The following CCDC57 variants were observed in gnomAD, a reference collection of about 807,000 sequenced individuals.
CCDC57 encodes coiled-coil domain containing 57.
Under a neutral mutation model 118.9 loss-of-function variants are expected in CCDC57, and 118 were observed. That is an observed-to-expected ratio of 0.99 (90% CI 0.86 to 1.16). The LOEUF is 1.16. Among genes scored for constraint, CCDC57 ranks in the 50% most tolerant of loss-of-function variants. CCDC57 has a pLI of 0.00. For missense variants in CCDC57, 1,300 were observed against 1,320.7 expected (o/e 0.98, Z 0.24); for synonymous variants, 527 against 532.9 (o/e 0.99, Z 0.15).
chr17:82,181,812 T>A (rs779269377), intron 9 of CCDC57, among the ~76,000 whole-genome samples: 2 of 152,180 alleles, frequency 1.3e-5, no homozygotes, highest in Non-Finnish European at 2.9e-5. Flanking sequence ...AGAAGGAACA[T>A]TGGAATCAAG....
chr17:82,110,767 G>A (rs142355481), intron 19 of CCDC57, among the ~76,000 whole-genome samples: 1,542 of 152,248 alleles, frequency 0.01, 24 homozygotes, highest in African/African-American at 0.036. Flanking sequence ...GCTCGCGCCT[G>A]TAATCCCAGT....
In CCDC57 at chr17:82,172,042, T is replaced by A. The variant is rs1383305904; in HGVS notation, c.1730-189A>T. 6.6e-6 allele frequency among the ~76,000 whole-genome samples: 1 copy of A among 152,040 alleles called. No homozygotes were observed. The highest frequency in any genetic ancestry group is 1.5e-5 in the Non-Finnish European group (1 of 68,014). On this transcript the variant is annotated intron_variant, in intron 12 of 19. Transcript: ENST00000665763. The surrounding 1 kb of genome is among the most constrained non-coding windows in gnomAD (Gnocchi z 5.2). ...GTGTGTCAGACTGAAAGACCTTCCCTCCCCTCACTGGCCAGAGTGTGCCAG... is the reference window on the plus strand; with the variant it reads ...GTGTGTCAGACTGAAAGACCTTCCCACCCCTCACTGGCCAGAGTGTGCCAG...
At chr17:82,148,244 AGATG>A (rs1249434429) in intron 16 of CCDC57, among the ~76,000 whole-genome samples, 6 of 115,586 alleles carry the variant, frequency 5.2e-5, no homozygotes, top group Middle Eastern at 6.9e-3. Flanking sequence ...GTAGATGGGT[AGATG>A]GATGGATGGA....
At chr17:82,206,939 G>C (rs2049729623) in intron 2 of CCDC57, among the ~76,000 whole-genome samples, 1 of 152,222 alleles carries the variant, frequency 6.6e-6, no homozygotes, top group South Asian at 2.1e-4. Context: ...GAGGAACTTA[G>C]TTTATAGTTT....
intron 19 of CCDC57, chr17:82,106,651 C>G (rs771495779): frequency 6.6e-6 from 1 of 152,388 alleles, no homozygotes; most frequent in African/African-American, 2.4e-5. Context: ...TCCGCTGTTT[C>G]GGAGGCATGG....
At chr17:82,145,376 G>A (rs563615795) in intron 16 of CCDC57, among the ~76,000 whole-genome samples, 2 of 151,000 alleles carry the variant, frequency 1.3e-5, no homozygotes, top group East Asian at 2.0e-4. Flanking sequence ...GTGAAACCCC[G>A]TTTCTACTAA....
intron 2 of CCDC57, among the ~76,000 whole-genome samples, chr17:82,204,342 G>A (rs1479458817): frequency 1.3e-5 from 2 of 151,990 alleles, no homozygotes; most frequent in Admixed American, 6.6e-5. Context: ...CGGCCCCACC[G>A]TCCACCCCGT....
chr17:82,176,155 C>A (rs117841706), intron 11 of CCDC57, among the ~76,000 whole-genome samples: 1 of 151,446 alleles, frequency 6.6e-6, no homozygotes, highest in Non-Finnish European at 1.5e-5. Context: ...GGCTGCCCTG[C>A]CGCACTACAG....
rs761466216 is a variant in CCDC57 at position 82,201,965 on chromosome 17, G to GA, written c.-8-14dup. On this transcript the variant is annotated splice_polypyrimidine_tract_variant and intron_variant, in intron 2 of 19. Transcript: ENST00000665763. ...AGCATGGTGGCCGCTGCAGTAAAGAGAAATCAGGTTCAGGGTGCACCGTGA... is the reference window on the plus strand; with the variant it reads ...AGCATGGTGGCCGCTGCAGTAAAGAGAAAATCAGGTTCAGGGTGCACCGTGA... The GA allele has an allele frequency of 1.9e-6, 3 of 1,570,416 alleles. No individual in the cohort carries two copies. The highest frequency in any genetic ancestry group is 2.6e-6 in the Non-Finnish European group (3 of 1,157,800).
intron 2 of CCDC57, among the ~76,000 whole-genome samples, chr17:82,204,548 C>T (rs1049367334): frequency 1.3e-5 from 2 of 152,146 alleles, no homozygotes; most frequent in Non-Finnish European, 2.9e-5. Flanking sequence ...CTTTGGGAGG[C>T]CGAGGCGGGC....
chr17:82,184,442 G>C (rs375404302), intron 8 of CCDC57, among the ~76,000 whole-genome samples: 3 of 152,204 alleles, frequency 2.0e-5, no homozygotes, highest in African/African-American at 7.2e-5. Context: ...CTTAACAGCA[G>C]GATGCCTCTG....
At position 82,127,925 on chromosome 17, in the gene CCDC57, C is replaced by T. The variant is rs369190828; in HGVS notation, c.2683-17G>A. On this transcript the variant is annotated splice_polypyrimidine_tract_variant and intron_variant, in intron 18 of 19. Transcript: ENST00000665763. The stretch of plus-strand genomic sequence containing the variant: ...GTGTTGTGTCTAGAAAAGACATCAT[C>T]GTCTTGAAAGCCACCCTCTCCAACC... 8.1e-5 allele frequency: 131 copies of T among 1,610,528 alleles called. No individual in the cohort carries two copies. The African/African-American group carries it at 1.5e-3, about 18-fold the overall frequency.
At chr17:82,202,143 CA>C (rs1471527931) in intron 2 of CCDC57, among the ~76,000 whole-genome samples, 191 bp from the exon 2 acceptor site, 8 of 151,756 alleles carry the variant, frequency 5.3e-5, no homozygotes, top group Non-Finnish European at 1.2e-4. Flanking sequence ...CCAGCCTGGC[CA>C]ACATGGCAAA....
chr17:82,113,647 C>A (rs758508852), intron 19 of CCDC57: 19 of 717,248 alleles, frequency 2.6e-5, no homozygotes, highest in Admixed American at 4.0e-5. Flanking sequence ...CTCCACTCCA[C>A]GCCAGGCTGG....
intron 5 of CCDC57, 162 bp from the exon 5 acceptor site, chr17:82,194,301 C>A (rs1182347431): frequency 4.5e-6 from 3 of 670,502 alleles, no homozygotes; most frequent in Non-Finnish European, 7.0e-6. Context: ...TCAAACGAGA[C>A]TCAATGACTT....
chr17:82,178,690 G>A (rs2045826731), intron 10 of CCDC57, 85 bp from the exon 10 acceptor site: 1 of 1,540,522 alleles, frequency 6.5e-7, no homozygotes. Context: ...ACACATAGGT[G>A]GGAGATGCTC....
intron 16 of CCDC57, among the ~76,000 whole-genome samples, chr17:82,144,299 C>T (rs1015553774): frequency 6.6e-6 from 1 of 151,962 alleles, no homozygotes. Flanking sequence ...CAGAGCGAGA[C>T]CCCATCTCTT....
intron 19 of CCDC57, among the ~76,000 whole-genome samples, chr17:82,102,130 C>G (rs1403972759): frequency 6.6e-6 from 1 of 152,160 alleles, no homozygotes; most frequent in East Asian, 1.9e-4. Flanking sequence ...ACATGTGGCT[C>G]TGAAAATGGT....
rs1014428165 is a variant in CCDC57 at position 82,102,096 on chromosome 17, C to T, written c.2900-230G>A. On this transcript the variant is annotated intron_variant, in intron 19 of 19. Transcript: ENST00000665763. ...TGGGTCCTGCTTGGCAGGGACTGGG[C>T]CTGCCCCTCCACTGGGCACCTGGAC... Among the ~76,000 whole-genome samples the T allele has an allele frequency of 5.9e-5, 9 of 152,338 alleles. 1 individual carries two copies. In the East Asian group the frequency reaches 1.7e-3, roughly 29 times the overall value.
Sources: gnomAD v4.1 joint callset for allele counts (sites outside exome capture counted in the v4.1 genomes callset) on GRCh38, gnomAD v4.1.1 for gene constraint, Gnocchi (gnomAD v3.1) non-coding constraint, MANE v1.5 for transcripts, NCBI Gene and HGNC (gene_info 2026-07-23, HGNC 2026-07-21) for gene names.